Variants in CNOT4 observed in about 807,000 individuals in gnomAD.
CNOT4 encodes CCR4-NOT transcription complex subunit 4.
CNOT4 carries 8 observed loss-of-function variants against 73.8 expected under a neutral mutation model. That is an observed-to-expected ratio of 0.11 (90% CI 0.06 to 0.20). The LOEUF is 0.20. Ranked by LOEUF, CNOT4 falls within the 10% of genes least tolerant of loss-of-function variation. CNOT4 has a pLI of 1.00. For missense variants in CNOT4, 564 were observed against 883.4 expected (o/e 0.64, Z 4.58); for synonymous variants, 293 against 321.1 (o/e 0.91, Z 0.94).
chr7:135,497,123 T>C (rs1351458754), intron 1 of CNOT4, among the ~76,000 whole-genome samples: 1 of 151,640 alleles, frequency 6.6e-6, no homozygotes, highest in Non-Finnish European at 1.5e-5. Context: ...TATATTCTCA[T>C]AGGGTCAGGC....
intron 1 of CNOT4, chr7:135,444,819 G>C: frequency 6.2e-6 from 10 of 1,605,530 alleles, no homozygotes; most frequent in Non-Finnish European, 8.5e-6. Flanking sequence ...CTCGCAGAAA[G>C]CTGCCAAGGC....
rs755436530 is a variant in CNOT4, at chr7:135,363,590, C to A, written c.1840+264G>T. On this transcript the variant is annotated intron_variant, in intron 11 of 11. Coordinates refer to ENST00000541284, the MANE Select transcript of CNOT4 (RefSeq NM_001190850.2). This position sits in a 1 kb window ranked among gnomAD's most constrained non-coding sequence, Gnocchi z 4.3. The stretch of plus-strand genomic sequence containing the variant: ...AGTCAGATCCTTTTGTACTTTGAGG[C>A]CTACAAAATACACATGTTGCCAGAT... Among the ~76,000 whole-genome samples, 1 of 152,114 alleles carries A rather than the reference C, an allele frequency of 6.6e-6. No homozygotes were observed. The highest frequency in any genetic ancestry group is 6.6e-5 in the Admixed American group (1 of 15,264).
chr7:135,462,558 T>C lies in CNOT4; in HGVS notation c.-92-24135A>G, dbSNP rs570175165. Among the ~76,000 whole-genome samples, 15 of 152,364 alleles carry C rather than the reference T, an allele frequency of 9.8e-5. No individual in the cohort carries two copies. In the South Asian group the frequency reaches 2.9e-3, roughly 29 times the overall value. On this transcript the variant is annotated intron_variant, in intron 1 of 11. Coordinates refer to ENST00000541284, the MANE Select transcript of CNOT4 (RefSeq NM_001190850.2). ...TTACTCTCACAGGAAACTCGATTCCTTCCTAATACTTCCTTATACTTTTGT... is the reference window on the plus strand; with the variant it reads ...TTACTCTCACAGGAAACTCGATTCCCTCCTAATACTTCCTTATACTTTTGT...
intron 1 of CNOT4, among the ~76,000 whole-genome samples, chr7:135,470,880 T>C (rs1801536433): frequency 6.6e-6 from 1 of 152,218 alleles, no homozygotes; most frequent in African/African-American, 2.4e-5. Context: ...GGAAATGTTC[T>C]ATATCTTGAT....
intron 1 of CNOT4, among the ~76,000 whole-genome samples, chr7:135,494,373 G>C (rs531252648): frequency 6.7e-6 from 1 of 149,348 alleles, no homozygotes; most frequent in South Asian, 2.1e-4. Context: ...GGGAGGCTGA[G>C]ACAGGTGAAT....
At chr7:135,427,512 C>T (rs1798574075) in intron 2 of CNOT4, among the ~76,000 whole-genome samples, 1 of 152,138 alleles carries the variant, frequency 6.6e-6, no homozygotes, top group Admixed American at 6.5e-5. Context: ...ACCACTTGGG[C>T]CTCATGCCAG....
chr7:135,476,555 T>C lies in CNOT4; in HGVS notation c.-93+33334A>G, dbSNP rs1697592661. Among the ~76,000 whole-genome samples, 4 of 152,240 alleles carry C rather than the reference T, an allele frequency of 2.6e-5. No individual in the cohort carries two copies. The South Asian group carries it at 6.2e-4, about 24-fold the overall frequency. ...AGCTGGGCATAGTGGTATGCACTTG[T>C]AGTCCTAGCTACGGGGTAGGCTAAA... is the stretch of plus-strand genomic sequence containing the variant. On this transcript the variant is annotated intron_variant, in intron 1 of 11. Coordinates refer to ENST00000541284, the MANE Select transcript of CNOT4 (RefSeq NM_001190850.2).
At chr7:135,387,501 A>G (rs1039403923) in intron 10 of CNOT4, 1 of 977,302 alleles carries the variant, frequency 1.0e-6, no homozygotes, top group Non-Finnish European at 1.2e-6. Flanking sequence ...TTCTATTATT[A>G]TTATTTTCAA....
At chr7:135,408,176 T>C (rs1051195626) in intron 7 of CNOT4, among the ~76,000 whole-genome samples, 1 of 152,196 alleles carries the variant, frequency 6.6e-6, no homozygotes, top group African/African-American at 2.4e-5. Flanking sequence ...GTTACAACCA[T>C]ATAACATTTA....
chr7:135,449,286 G>A (rs534621932), intron 1 of CNOT4, among the ~76,000 whole-genome samples: 9 of 152,152 alleles, frequency 5.9e-5, no homozygotes, highest in African/African-American at 1.9e-4. Context: ...TCTGAGGTAC[G>A]TGAAATATTC....
Position 135,481,910 on chromosome 7 carries a change from A to T in CNOT4, c.-93+27979T>A, listed in dbSNP as rs190815026. ...TCTTATAGAAGTAGCAAATAGAATT[A>T]TAGATACTAGAGGCTGCAGAGGGTG... On this transcript the variant is annotated intron_variant, in intron 1 of 11. Coordinates refer to ENST00000541284, the MANE Select transcript of CNOT4 (RefSeq NM_001190850.2). 3.1e-3 allele frequency among the ~76,000 whole-genome samples: 475 copies of T among 152,288 alleles called. 4 individuals are homozygous for T. Among genetic ancestry groups the T allele is most frequent in the African/African-American group, 0.011 (449 of 41,592 alleles).
intron 1 of CNOT4, among the ~76,000 whole-genome samples, chr7:135,498,989 T>G (rs1803782913): frequency 6.6e-6 from 1 of 152,210 alleles, no homozygotes; most frequent in Non-Finnish European, 1.5e-5. Flanking sequence ...TTTAAAGGGT[T>G]TCTAAGGACT....
chr7:135,387,533 T>C, intron 10 of CNOT4: 1 of 972,230 alleles, frequency 1.0e-6, no homozygotes, highest in Non-Finnish European at 1.2e-6. Flanking sequence ...CTTTTTTGTA[T>C]TCACATTATC....
chr7:135,444,881 C>T, intron 1 of CNOT4: 1 of 1,597,546 alleles, frequency 6.3e-7, no homozygotes, highest in Admixed American at 1.7e-5. Context: ...GCTATTTCAA[C>T]TATCACGATG....
At chr7:135,385,693 A>C (rs907949696) in intron 10 of CNOT4, among the ~76,000 whole-genome samples, 2 of 152,238 alleles carry the variant, frequency 1.3e-5, no homozygotes, top group Non-Finnish European at 2.9e-5. Context: ...ATAAGTATTC[A>C]ATACCCTTTG....
intron 7 of CNOT4, among the ~76,000 whole-genome samples, chr7:135,404,443 C>T (rs959118101): frequency 2.0e-5 from 3 of 152,156 alleles, no homozygotes; most frequent in Non-Finnish European, 2.9e-5. Context: ...GGTCAGTTCT[C>T]TCTCTCAAAA....
At chr7:135,381,335 C>T (rs1483925553) in intron 10 of CNOT4, among the ~76,000 whole-genome samples, 1 of 152,172 alleles carries the variant, frequency 6.6e-6, no homozygotes. Flanking sequence ...CTTTGCTAAA[C>T]AAACTCTTAC....
At chr7:135,396,107 CTTTTTTTTTTTTTT>C (rs71174519) in intron 8 of CNOT4, among the ~76,000 whole-genome samples, 53 of 95,424 alleles carry the variant, frequency 5.6e-4, no homozygotes, top group East Asian at 4.1e-3. Flanking sequence ...ACTAGTCTCC[CTTTTTTTTTTTTTT>C]TTTTTTTTTT....
rs750967899 is a variant in CNOT4 at position 135,454,537 on chromosome 7, G to A, written c.-92-16114C>T. Among the ~76,000 whole-genome samples, 50 of 151,778 alleles carry A rather than the reference G, an allele frequency of 3.3e-4. 1 individual carries two copies. The highest frequency in any genetic ancestry group is 1.2e-3 in the African/African-American group (49 of 41,420). ...AAATTAAAAAAAAATAGCCAGGTGC[G>A]GTGGTACGCACCTGTGGTCCCAGCT... On this transcript the variant is annotated intron_variant, in intron 1 of 11. Transcript: ENST00000541284.
Sources: allele counts gnomAD v4.1 joint callset (sites outside exome capture counted in the v4.1 genomes callset), GRCh38; gene constraint gnomAD v4.1.1; non-coding constraint Gnocchi (gnomAD v3.1); transcripts MANE v1.5; gene names NCBI Gene and HGNC (gene_info 2026-07-23, HGNC 2026-07-21).